The following SAMD12 variants were observed in gnomAD, a reference collection of about 807,000 sequenced individuals.
SAMD12 encodes the protein sterile alpha motif domain-containing protein 12.
A neutral mutation model predicts 15.0 loss-of-function variants in SAMD12; 9 were observed. The observed-to-expected ratio is 0.60, with a 90% CI of 0.36 to 1.05. The LOEUF (loss-of-function observed/expected upper bound fraction) is 1.05. SAMD12 is among the 50% of genes least tolerant of loss of function. The pLI is 0.01. For missense variants in SAMD12, 230 were observed against 234.2 expected, an observed-to-expected ratio of 0.98 and a Z score of 0.12; for synonymous variants, 86 against 90.1, an observed-to-expected ratio of 0.96 and a Z score of 0.25.
intron 3 of SAMD12, among the ~76,000 whole-genome samples, chr8:118,418,718 CAA>C (rs545742157): frequency 7.6e-6 from 1 of 131,998 alleles, no homozygotes; most frequent in Non-Finnish European, 1.6e-5. Context: ...GACTCCGTCT[CAA>C]AAAAAAAAAA....
chr8:118,395,849 T>C (rs1176530383), intron 3 of SAMD12, among the ~76,000 whole-genome samples: 1 of 150,944 alleles, frequency 6.6e-6, no homozygotes, highest in African/African-American at 2.4e-5. Context: ...TCCCAGCTAC[T>C]CGGGAGGCTG....
chr8:118,136,272 C>T, the SAMD12 span, among the ~76,000 whole-genome samples: 101 of 152,060 alleles, frequency 6.6e-4, 1 homozygote, highest in Middle Eastern at 6.8e-3. Flanking sequence ...TCAAGTGATC[C>T]GCCCGCCTTG....
intron 2 of SAMD12, among the ~76,000 whole-genome samples, chr8:118,578,758 T>A (rs1827212130): frequency 6.6e-6 from 1 of 152,190 alleles, no homozygotes. Flanking sequence ...TTCCTCGTCC[T>A]CCATTTAAAC....
At chr8:118,542,537 T>G (rs1826014627) in intron 2 of SAMD12, among the ~76,000 whole-genome samples, 1 of 152,190 alleles carries the variant, frequency 6.6e-6, no homozygotes, top group East Asian at 1.9e-4. Flanking sequence ...GGGAGAGCAC[T>G]CTGATTTCAA....
At chr8:118,141,085 A>G in the SAMD12 span, among the ~76,000 whole-genome samples, 1 of 152,246 alleles carries the variant, frequency 6.6e-6, no homozygotes, top group Admixed American at 6.5e-5. Context: ...AGTACTCCAG[A>G]GTGTTAGTCA....
At chr8:118,186,833 G>A (rs972389948), downstream of SAMD12, among the ~76,000 whole-genome samples, 2 of 152,142 alleles carry the variant, frequency 1.3e-5, no homozygotes, top group Admixed American at 6.6e-5. Context: ...AGAGAGAAGA[G>A]TTAAAACGGA....
At chr8:118,357,618 C>T (rs1818296036) in intron 4 of SAMD12, among the ~76,000 whole-genome samples, 5 of 152,126 alleles carry the variant, frequency 3.3e-5, no homozygotes. Context: ...ATTAATCATT[C>T]TACAATCTAT....
intron 2 of SAMD12, among the ~76,000 whole-genome samples, chr8:118,525,426 C>G (rs1825506982): frequency 6.6e-6 from 1 of 152,138 alleles, no homozygotes; most frequent in African/African-American, 2.4e-5. Flanking sequence ...TTGACTCAAA[C>G]CCCTATAGAA....
At chr8:118,203,841 T>C (rs1331275156) in intron 4 of SAMD12, among the ~76,000 whole-genome samples, 2 of 151,596 alleles carry the variant, frequency 1.3e-5, no homozygotes, top group African/African-American at 4.8e-5. Context: ...GTTTGGTTTT[T>C]TGTCCTTGCG....
chr8:118,450,832 A>G (rs4876840), intron 2 of SAMD12, among the ~76,000 whole-genome samples: 109,081 of 151,936 alleles, frequency 0.72, 39,466 homozygotes, highest in African/African-American at 0.8. Context: ...TCTGAGATAT[A>G]TTTCCAAGAG....
the SAMD12 span, among the ~76,000 whole-genome samples, chr8:118,156,951 C>T: frequency 2.0e-5 from 3 of 151,962 alleles, no homozygotes; most frequent in Non-Finnish European, 2.9e-5. Context: ...TGATGTTTGC[C>T]CTATGGAAAT....
downstream of SAMD12, among the ~76,000 whole-genome samples, chr8:118,376,869 TA>T (rs1464997756): frequency 6.6e-6 from 1 of 152,192 alleles, no homozygotes; most frequent in African/African-American, 2.4e-5. Context: ...TGAATTTCTA[TA>T]TGATATATAT....
intron 4 of SAMD12, among the ~76,000 whole-genome samples, chr8:118,216,410 T>G (rs932734028): frequency 3.7e-4 from 56 of 151,578 alleles, no homozygotes; most frequent in Admixed American, 7.9e-4. Context: ...ATTTTGTAGG[T>G]TGCCTGTTCA....
intron 4 of SAMD12, among the ~76,000 whole-genome samples, chr8:118,294,205 C>A (rs538286408): frequency 6.6e-6 from 1 of 152,152 alleles, no homozygotes; most frequent in African/African-American, 2.4e-5. Flanking sequence ...AAAAGCCCTT[C>A]CTTCCACACT....
At chr8:118,441,455 GT>G (rs5894431) in intron 2 of SAMD12, among the ~76,000 whole-genome samples, 1 of 149,232 alleles carries the variant, frequency 6.7e-6, no homozygotes. Flanking sequence ...ATGCTCAGGT[GT>G]TTTTTTTTTA....
At chr8:118,223,288 A>T (rs1249556845) in intron 4 of SAMD12, among the ~76,000 whole-genome samples, 1 of 152,094 alleles carries the variant, frequency 6.6e-6, no homozygotes, top group Non-Finnish European at 1.5e-5. Context: ...GCTTTCATCC[A>T]AGACTTCTCT....
intron 2 of SAMD12, among the ~76,000 whole-genome samples, chr8:118,441,217 T>A (rs372685050): frequency 6.6e-6 from 1 of 152,206 alleles, no homozygotes; most frequent in Non-Finnish European, 1.5e-5. Flanking sequence ...AACTTTTTAG[T>A]GTATTTAAAG....
chr8:118,418,369 T>C (rs889883168), intron 3 of SAMD12, among the ~76,000 whole-genome samples: 1 of 152,064 alleles, frequency 6.6e-6, no homozygotes, highest in Non-Finnish European at 1.5e-5. Context: ...AACTCAAATG[T>C]GTGCAGCCAG....
At chr8:118,601,495 C>T (rs1234582869) in intron 1 of SAMD12, among the ~76,000 whole-genome samples, 1 of 152,148 alleles carries the variant, frequency 6.6e-6, no homozygotes, top group Admixed American at 6.5e-5. Context: ...GTACAACTCC[C>T]TTTTATCCCA....
Sources: allele counts gnomAD v4.1 joint callset (sites outside exome capture counted in the v4.1 genomes callset), GRCh38; gene constraint gnomAD v4.1.1; transcripts MANE v1.5; gene names NCBI Gene and HGNC (gene_info 2026-07-23, HGNC 2026-07-21).